SLC25A11: variants seen among roughly 807,000 people sequenced by gnomAD.
SLC25A11 encodes solute carrier family 25 member 11.
In SLC25A11, 11 loss-of-function variants were observed where a neutral mutation model predicts 32.7. The ratio of observed to expected loss-of-function variants is 0.34; its 90% CI spans 0.21 to 0.56. SLC25A11 has a LOEUF of 0.56. SLC25A11 is among the 20% of genes least tolerant of loss of function. SLC25A11 has a pLI of 0.90. For synonymous variants in SLC25A11, 163 were observed against 168.3 expected (o/e 0.97, Z 0.24); for missense variants, 295 against 426.3 (o/e 0.69, Z 2.71).
chr17:4,937,810 G>A lies in SLC25A11; in HGVS notation c.876C>T (p.His292=), dbSNP rs766868864. 2.5e-6 allele frequency: 4 copies of A among 1,614,220 alleles called. No individual in the cohort carries two copies. Among genetic ancestry groups the A allele is most frequent in the African/African-American group, 1.3e-5 (1 of 75,064 alleles). The change falls in exon 8 of 8, where the codon CAC becomes CAT. Residue 292 remains histidine, a synonymous_variant. Coordinates refer to ENST00000225665, the MANE Select transcript of SLC25A11 (RefSeq NM_003562.5). ...FTPYYARLGP[H]TVLTFIFLEQ... The stretch of plus-strand genomic sequence containing the variant: ...CCAAGAAGATGAAGGTGAGGACGGT[G>A]TGGGGGCCCAGGCGGGCATAGTACG...
Position 4,939,631 on chromosome 17 carries a change from G to C in SLC25A11, c.95+185C>G. 1 of 634,228 alleles carries C rather than the reference G, an allele frequency of 1.6e-6. No homozygotes were observed. The highest frequency in any genetic ancestry group is 2.8e-6 in the Non-Finnish European group (1 of 357,094). 39.3% of individuals were successfully genotyped at this position (634,228 alleles called of 1,614,324 possible). Reference sequence around the variant, plus strand: ...CCGGCGGGGGTTGTGCAACGACCCTGCATGCAGTCCATAAGGGTCCTGCAA... The same window carrying C: ...CCGGCGGGGGTTGTGCAACGACCCTCCATGCAGTCCATAAGGGTCCTGCAA... On this transcript the variant is annotated intron_variant, in intron 1 of 7. Transcript: ENST00000225665. This position sits in a 1 kb window ranked among gnomAD's most constrained non-coding sequence, Gnocchi z 4.1.
chr17:4,938,396 C>T lies in SLC25A11; in HGVS notation c.580G>A (p.Val194Ile), dbSNP rs1245133048. The T allele has an allele frequency of 8.1e-6, 13 of 1,613,970 alleles. No individual in the cohort carries two copies. Among genetic ancestry groups the T allele is most frequent in the East Asian group, 2.2e-5 (1 of 44,876 alleles). ...TAGGAGGCGAGCTGGGCAGCATTGA[C>T]GACGACGGCCCGAGCCATGGTAGGG... The part of the protein sequence containing the change: ...CIPTMARAVV[V>I]NAAQLASYSQ... Residue 194 changes from valine to isoleucine, a missense_variant, in exon 5 of 8, where the codon GTC becomes ATC. By Grantham distance (29) the Val-to-Ile change is conservative (BLOSUM62 3). Around this residue, in one of 3 missense-constraint regions of SLC25A11, gnomAD observed 142 missense variants for 197.8 expected, o/e 0.72. Transcript: ENST00000225665. This position sits in a 1 kb window ranked among gnomAD's most constrained non-coding sequence, Gnocchi z 7.6.
Position 4,937,590 on chromosome 17 carries a change from G to A in SLC25A11, c.*151C>T, listed in dbSNP as rs1205300463. 2 of 835,828 alleles carry A rather than the reference G, an allele frequency of 2.4e-6. No homozygotes were observed. Among genetic ancestry groups the A allele is most frequent in the South Asian group, 2.2e-5 (1 of 46,320 alleles). The allele number at this position is 835,828 out of a possible 1,614,324, so 51.8% of individuals were successfully genotyped here. ...ATCAGGACGAGCAGGGCAAGCTGGAGCAGGGGGTAGAACAGACCAAGTCCT... is the reference window on the plus strand; with the variant it reads ...ATCAGGACGAGCAGGGCAAGCTGGAACAGGGGGTAGAACAGACCAAGTCCT... On this transcript the variant is annotated 3_prime_UTR_variant, in exon 8 of 8. Transcript: ENST00000225665.
Position 4,938,278 on chromosome 17 carries a change from C to T in SLC25A11, c.638-25G>A. The T allele has an allele frequency of 6.2e-7, 1 of 1,611,712 alleles. No homozygotes were observed. The highest frequency in any genetic ancestry group is 1.1e-5 in the South Asian group (1 of 91,012). On this transcript the variant is annotated intron_variant, in intron 5 of 7. Coordinates refer to ENST00000225665, the MANE Select transcript of SLC25A11 (RefSeq NM_003562.5). This position sits in a 1 kb window ranked among gnomAD's most constrained non-coding sequence, Gnocchi z 7.6. Reference sequence around the variant, plus strand: ...CCTGGGGGAGGTGAGGCGGGGGTGGCAGTCAGCTCAGAGGTGGCTCAGGCC... The same window carrying T: ...CCTGGGGGAGGTGAGGCGGGGGTGGTAGTCAGCTCAGAGGTGGCTCAGGCC...
At position 4,939,337 on chromosome 17, in the gene SLC25A11, G is replaced by C; in HGVS notation, c.96-125C>G. 2.8e-6 allele frequency: 3 copies of C among 1,081,202 alleles called. No individual in the cohort carries two copies. 67.0% of individuals were successfully genotyped at this position (1,081,202 alleles called of 1,614,324 possible). A position where few individuals can be genotyped will look rare whatever the true frequency, so the allele number is the denominator to read the frequency against. Reference sequence around the variant, plus strand: ...ATGCGATTCAAGAATCAGGATGCTGGTGAGCATGTGTATAAGAGTCTATAT... The same window carrying C: ...ATGCGATTCAAGAATCAGGATGCTGCTGAGCATGTGTATAAGAGTCTATAT... On this transcript the variant is annotated intron_variant, in intron 1 of 7. Transcript: ENST00000225665. This position sits in a 1 kb window ranked among gnomAD's most constrained non-coding sequence, Gnocchi z 4.1.
At position 4,938,659 on chromosome 17, in the gene SLC25A11, G is replaced by A. The variant is rs531311106; in HGVS notation, c.456-57C>T. On this transcript the variant is annotated intron_variant, in intron 3 of 7. Transcript: ENST00000225665. This position sits in a 1 kb window ranked among gnomAD's most constrained non-coding sequence, Gnocchi z 7.6. ...GGATTGCCCACAGGTGCAAAGAAAG[G>A]AAGGCCAGAACAGGTAAACACTCTG... 1 of 1,595,930 alleles carries A rather than the reference G, an allele frequency of 6.3e-7. No individual in the cohort carries two copies. Among genetic ancestry groups the A allele is most frequent in the African/African-American group, 1.3e-5 (1 of 74,708 alleles).
Position 4,938,293 on chromosome 17 carries a change from T to TG in SLC25A11, c.638-41dup. The TG allele has an allele frequency of 6.2e-7, 1 of 1,612,154 alleles. No individual in the cohort carries two copies. The highest frequency in any genetic ancestry group is 8.5e-7 in the Non-Finnish European group (1 of 1,178,842). ...GCGGGGGTGGCAGTCAGCTCAGAGG[T>TG]GGCTCAGGCCAGGCTGGGAACTAAG... is the stretch of plus-strand genomic sequence containing the variant. On this transcript the variant is annotated intron_variant, in intron 5 of 7. Transcript: ENST00000225665. This position sits in a 1 kb window ranked among gnomAD's most constrained non-coding sequence, Gnocchi z 7.6.
rs1033853481 is a variant in SLC25A11, at chr17:4,939,993, G to A, written c.-83C>T. 2.2e-6 allele frequency: 2 copies of A among 928,626 alleles called. No individual in the cohort carries two copies. Among genetic ancestry groups the A allele is most frequent in the African/African-American group, 1.8e-5 (1 of 56,430 alleles). The allele number at this position is 928,626 out of a possible 1,614,324, so 57.5% of individuals were successfully genotyped here. On this transcript the variant is annotated 5_prime_UTR_variant, in exon 1 of 8. Transcript: ENST00000225665. This position sits in a 1 kb window ranked among gnomAD's most constrained non-coding sequence, Gnocchi z 4.1. ...AAGGTGACACCGCGCGCGCAACAGA[G>A]CGAGGGCGCGCGCACGCCCCTCCAG...
rs1270611831 is a variant in SLC25A11, at chr17:4,939,099, C to T, written c.209G>A (p.Ser70Asn). The stretch of plus-strand genomic sequence containing the variant: ...CCTCAGGCCTTCTGCCTTCAGGATA[C>T]TGGTGAGGGCATGGAAGCTGGTTTT... ...EYKTSFHALT[S>N]ILKAEGLRGI... is the part of the protein sequence containing the mutation. Residue 70 changes from serine (S) to asparagine (N), a missense_variant, in exon 2 of 8, where the codon AGT becomes AAT. By Grantham distance (46) the Ser-to-Asn change is conservative. Coordinates refer to ENST00000225665, the MANE Select transcript of SLC25A11 (RefSeq NM_003562.5). This position sits in a 1 kb window ranked among gnomAD's most constrained non-coding sequence, Gnocchi z 4.1. The T allele has an allele frequency of 4.7e-5, 76 of 1,614,090 alleles. No homozygotes were observed. Among genetic ancestry groups the T allele is most frequent in the Non-Finnish European group, 6.2e-5 (73 of 1,180,048 alleles).
In SLC25A11 at chr17:4,938,878, G is replaced by A; in HGVS notation, c.346C>T (p.Pro116Ser). Residue 116 changes from proline to serine, a missense_variant, in exon 3 of 8, where the codon CCC becomes TCC. By Grantham distance (74) the Pro-to-Ser change is moderately conservative. Transcript: ENST00000225665. This position sits in a 1 kb window ranked among gnomAD's most constrained non-coding sequence, Gnocchi z 7.6. ...FERLTGADGT[P>S]PGFLLKAVIG... ...ACAGCCTTCAGCAGAAAGCCAGGGG[G>A]AGTACCATCAGCCCCAGTCAGGCGC... 1 of 1,614,206 alleles carries A rather than the reference G, an allele frequency of 6.2e-7. No homozygotes were observed. Among genetic ancestry groups the A allele is most frequent in the South Asian group, 1.1e-5 (1 of 91,084 alleles).
chr17:4,938,776 C>T lies in SLC25A11; in HGVS notation c.448G>A (p.Asp150Asn), dbSNP rs199881344. ...TTCAGACTTGGAACTCACCGGCCAT[C>T]GGCAGTCATGCGGATAAGAGCCACT... ...AEVALIRMTA[D>N]GRLPADQRRG... Residue 150 changes from aspartate (D) to asparagine (N), a missense_variant, in exon 3 of 8, where the codon GAT becomes AAT. Asp to Asn is a conservative substitution (Grantham distance 23). Coordinates refer to ENST00000225665, the MANE Select transcript of SLC25A11 (RefSeq NM_003562.5). This position sits in a 1 kb window ranked among gnomAD's most constrained non-coding sequence, Gnocchi z 7.6. 6 of 1,608,798 alleles carry T rather than the reference C, an allele frequency of 3.7e-6. No individual in the cohort carries two copies. Among genetic ancestry groups the T allele is most frequent in the Non-Finnish European group, 5.1e-6 (6 of 1,176,264 alleles).
At chr17:4,937,945 C>G (rs1281814698) in intron 7 of SLC25A11, 49 bp from the exon 8 acceptor site, 6 of 1,612,754 alleles carry the variant, frequency 3.7e-6, no homozygotes, top group Non-Finnish European at 4.2e-6. Context: ...AGGTCCCCAT[C>G]CCCCTCACCC....
Position 4,938,454 on chromosome 17 carries a change from G to T in SLC25A11, c.547-25C>A. ...CCTGGAGGGAGGGGAGCGGGGAAGAGTCAGAAACCCCTAAAACCAGACCTC... is the reference window on the plus strand; with the variant it reads ...CCTGGAGGGAGGGGAGCGGGGAAGATTCAGAAACCCCTAAAACCAGACCTC... On this transcript the variant is annotated intron_variant, in intron 4 of 7. Coordinates refer to ENST00000225665, the MANE Select transcript of SLC25A11 (RefSeq NM_003562.5). This position sits in a 1 kb window ranked among gnomAD's most constrained non-coding sequence, Gnocchi z 7.6. 6.2e-7 allele frequency: 1 copy of T among 1,614,006 alleles called. No individual in the cohort carries two copies. The highest frequency in any genetic ancestry group is 1.1e-5 in the South Asian group (1 of 91,084).
chr17:4,939,166 G>A lies in SLC25A11; in HGVS notation c.142C>T (p.Arg48Trp). The change falls in exon 2 of 8, where the codon CGG (arginine) becomes TGG (tryptophan). Residue 48 changes from arginine to tryptophan, a missense_variant. Transcript: ENST00000225665. This position sits in a 1 kb window ranked among gnomAD's most constrained non-coding sequence, Gnocchi z 4.1. Reference sequence around the variant, plus strand: ...GCCCCTTCCCCGCTCAACTGCATCCGGTTCTTCACCAGGTCCAGGGGCTGG... The same window carrying A: ...GCCCCTTCCCCGCTCAACTGCATCCAGTTCTTCACCAGGTCCAGGGGCTGG... ...FVQPLDLVKN[R>W]MQLSGEGAKT... is the part of the protein sequence containing the mutation. The A allele has an allele frequency of 6.2e-7, 1 of 1,613,062 alleles. No individual in the cohort carries two copies. Among genetic ancestry groups the A allele is most frequent in the Non-Finnish European group, 8.5e-7 (1 of 1,179,152 alleles).
At position 4,938,167 on chromosome 17, in the gene SLC25A11, T is replaced by C. The variant is rs1970474174; in HGVS notation, c.724A>G (p.Ile242Val). The C allele has an allele frequency of 6.2e-7, 1 of 1,614,002 alleles. No homozygotes were observed. Residue 242 changes from isoleucine (I) to valine (V), a missense_variant, in exon 6 of 8, where the codon ATT (isoleucine) becomes GTT (valine). Ile to Val is a conservative substitution (Grantham distance 29, BLOSUM62 3). This residue lies in a region of SLC25A11 where 142 missense variants were observed against 197.8 expected (regional missense o/e 0.72). Coordinates refer to ENST00000225665, the MANE Select transcript of SLC25A11 (RefSeq NM_003562.5). The surrounding 1 kb of genome is among the most constrained non-coding windows in gnomAD (Gnocchi z 7.6). Reference sequence around the variant, plus strand: ...CTGCACACTCACCGGGTCTTGGCAATGTCCACAGGCATGGAGGCAGCAGTG... The same window carrying C: ...CTGCACACTCACCGGGTCTTGGCAACGTCCACAGGCATGGAGGCAGCAGTG... ...VTTAASMPVDIAKTRIQNMRM... is the reference protein window; with the variant it reads ...VTTAASMPVDVAKTRIQNMRM...
rs773036585 is a variant in SLC25A11, at chr17:4,938,954, A to T, written c.270T>A (p.Arg90=). The T allele has an allele frequency of 2.5e-6, 4 of 1,614,106 alleles. No homozygotes were observed. Among genetic ancestry groups the T allele is most frequent in the Middle Eastern group, 1.6e-4 (1 of 6,062 alleles). The change falls in exon 3 of 8, where the codon CGT becomes CGA. Residue 90 remains arginine, a synonymous_variant. Coordinates refer to ENST00000225665, the MANE Select transcript of SLC25A11 (RefSeq NM_003562.5). This position sits in a 1 kb window ranked among gnomAD's most constrained non-coding sequence, Gnocchi z 7.6. ...IYTGLSAGLL[R]QATYTTTRLG... ...GGCGGGTAGTGGTGTAGGTGGCCTG[A>T]CGCAGCAGGCCAGCCGACAGCCTGA...
chr17:4,937,714 G>C lies in SLC25A11; in HGVS notation c.*27C>G, dbSNP rs751228722. 2 of 1,585,450 alleles carry C rather than the reference G, an allele frequency of 1.3e-6. No homozygotes were observed. Among genetic ancestry groups the C allele is most frequent in the Admixed American group, 1.8e-5 (1 of 56,244 alleles). On this transcript the variant is annotated 3_prime_UTR_variant, in exon 8 of 8. Transcript: ENST00000225665. ...CCAGGGCGCAGTGGCTATAGGCGCA[G>C]CAGGCGAGTGGGAGCCCCCGGCCGC... is the stretch of plus-strand genomic sequence containing the variant.
chr17:4,939,916 C>T lies in SLC25A11; in HGVS notation c.-6G>A, dbSNP rs1028920736. On this transcript the variant is annotated 5_prime_UTR_variant, in exon 1 of 8. In the 5' UTR this introduces an upstream ATG that the reference lacks. Transcript: ENST00000225665. The surrounding 1 kb of genome is among the most constrained non-coding windows in gnomAD (Gnocchi z 4.1). The stretch of plus-strand genomic sequence containing the variant: ...GCACTCGCCGTCGCCGCCATCGCCA[C>T]TCAATGGCCCTCGGCTCCGGGTCCC... The T allele has an allele frequency of 6.2e-7, 1 of 1,608,234 alleles. No homozygotes were observed.
In SLC25A11 at chr17:4,938,987, A is replaced by T; in HGVS notation, c.249-12T>A. The T allele has an allele frequency of 6.2e-7, 1 of 1,614,176 alleles. No individual in the cohort carries two copies. The highest frequency in any genetic ancestry group is 8.5e-7 in the Non-Finnish European group (1 of 1,180,032). On this transcript the variant is annotated splice_polypyrimidine_tract_variant and intron_variant, in intron 2 of 7. Coordinates refer to ENST00000225665, the MANE Select transcript of SLC25A11 (RefSeq NM_003562.5). The surrounding 1 kb of genome is among the most constrained non-coding windows in gnomAD (Gnocchi z 7.6). The stretch of plus-strand genomic sequence containing the variant: ...GGCCAGCCGACAGCCTGAGGAGCAG[A>T]GGGGTCAGCATATCAGGCCAAGGTC...
Sources: allele counts gnomAD v4.1 joint callset, GRCh38; gene constraint gnomAD v4.1.1; regional missense constraint gnomAD v4.1.1; non-coding constraint Gnocchi (gnomAD v3.1); transcripts MANE v1.5; gene names NCBI Gene and HGNC (gene_info 2026-07-23, HGNC 2026-07-21).